LAMP3: variants seen among roughly 807,000 people sequenced by gnomAD.
LAMP3 encodes lysosome-associated membrane glycoprotein 3.
In LAMP3, 26 loss-of-function variants were observed where a neutral mutation model predicts 34.8. That is an observed-to-expected ratio of 0.75 (90% confidence interval 0.55 to 1.04). LAMP3 has a LOEUF of 1.04. Ranked by LOEUF, LAMP3 falls within the 50% of genes least tolerant of loss-of-function variation. The probability of loss-of-function intolerance (pLI) is 0.00; values close to 1 mark genes in which losing one functional copy is unlikely to be tolerated. For synonymous variants in LAMP3, 180 were observed against 201.9 expected, an observed-to-expected ratio of 0.89 and a Z score of 0.92; for missense variants, 495 against 524.0, an observed-to-expected ratio of 0.94 and a Z score of 0.54.
intron 4 of LAMP3, among the ~76,000 whole-genome samples, chr3:183,138,581 T>C (rs567206643): frequency 5.9e-5 from 9 of 152,364 alleles, no homozygotes; most frequent in African/African-American, 1.9e-4. Flanking sequence ...AGACATCTTG[T>C]GTGAGTGGGA....
chr3:183,133,076 G>A lies in LAMP3; in HGVS notation c.1117+2641C>T, dbSNP rs544737433. 1.9e-4 allele frequency: 57 copies of A among 304,526 alleles called. 1 individual carries two copies. Among genetic ancestry groups the A allele is most frequent in the East Asian group, 1.7e-4 (1 of 5,792 alleles). The allele number at this position is 304,526 out of a possible 1,614,324, so 18.9% of individuals were successfully genotyped here. On this transcript the variant is annotated intron_variant, in intron 5 of 5. Transcript: ENST00000265598. ...ACAGAGGGGAAGATGGAGCTGTTGG[G>A]GCTCAGACAACAGTGGGTGAAAACG... is the stretch of plus-strand genomic sequence containing the variant.
At position 183,151,424 on chromosome 3, in the gene LAMP3, C is replaced by CT. The variant is rs1303908629; in HGVS notation, c.888+950dup. On this transcript the variant is annotated intron_variant, in intron 3 of 5. Coordinates refer to ENST00000265598, the MANE Select transcript of LAMP3 (RefSeq NM_014398.4). ...CCACTTCCCGTGTATGGGGCATGCT[C>CT]TTTTTTTTTTTTTTTTTTTTGAGAT... 5.3e-4 allele frequency among the ~76,000 whole-genome samples: 69 copies of CT among 130,038 alleles called. 1 individual carries two copies. Among genetic ancestry groups the CT allele is most frequent in the South Asian group, 1.8e-3 (7 of 3,998 alleles). The allele number at this position is 130,038 out of a possible 152,430, so 85.3% of individuals were successfully genotyped here.
intron 3 of LAMP3, among the ~76,000 whole-genome samples, chr3:183,151,484 A>C (rs1050597402): frequency 1.1e-4 from 16 of 144,622 alleles, no homozygotes; most frequent in Admixed American, 2.1e-4. Context: ...CTGGAGTGCA[A>C]TGGCGCAATC....
chr3:183,130,410 G>A (rs1162655344), intron 5 of LAMP3, among the ~76,000 whole-genome samples: 4 of 151,532 alleles, frequency 2.6e-5, no homozygotes, highest in African/African-American at 4.9e-5. Context: ...CGCCCGCCTC[G>A]GCCTCCCAAA....
chr3:183,160,720 G>A (rs1238958038), intron 1 of LAMP3: 3 of 152,160 alleles, frequency 2.0e-5, no homozygotes, highest in Non-Finnish European at 4.4e-5. Flanking sequence ...AAGCACATAG[G>A]TTAGCTGCTA....
intron 3 of LAMP3, among the ~76,000 whole-genome samples, chr3:183,145,539 T>C (rs572624752): frequency 6.6e-6 from 1 of 152,302 alleles, no homozygotes; most frequent in Non-Finnish European, 1.5e-5. Flanking sequence ...GTTGTTGTCA[T>C]TGGTAGTATT....
In LAMP3 at chr3:183,153,779, G is replaced by T. The variant is rs772205737; in HGVS notation, c.662C>A (p.Ser221Ter). The T allele has an allele frequency of 6.3e-7, 1 of 1,575,568 alleles. No homozygotes were observed. The highest frequency in any genetic ancestry group is 1.8e-5 in the Admixed American group (1 of 55,710). Residue 221 changes from serine (S) to a stop codon, truncating the protein, a stop_gained, in exon 2 of 6, where the codon TCG becomes TAG. Coordinates refer to ENST00000265598, the MANE Select transcript of LAMP3 (RefSeq NM_014398.4). LOFTEE classifies it high-confidence loss of function. ...VPGPTLAPQP[S>*]SVKTGIYQVL... ...CTGATAAATTCCAGTCTTGACTGAC[G>T]ATGGCTGAGGTGCAAGGGTGGGCCC...
Position 183,152,426 on chromosome 3 carries a change from G to A in LAMP3, c.837C>T (p.Ser279=). Reference sequence around the variant, plus strand: ...CGCCCTGAAAATTCAACAGAAGGTTGGATTTTCGGGTGCCACAGTTCCCAG... The same window carrying A: ...CGCCCTGAAAATTCAACAGAAGGTTAGATTTTCGGGTGCCACAGTTCCCAG... ...QASGNCGTRK[S]NLLLNFQGGF... is the part of the protein sequence containing the mutation. Residue 279 remains serine (S), a synonymous_variant, in exon 3 of 6, where the codon TCC becomes TCT. Coordinates refer to ENST00000265598, the MANE Select transcript of LAMP3 (RefSeq NM_014398.4). 3 of 1,612,898 alleles carry A rather than the reference G, an allele frequency of 1.9e-6. No individual in the cohort carries two copies. The highest frequency in any genetic ancestry group is 2.5e-6 in the Non-Finnish European group (3 of 1,179,548).
intron 3 of LAMP3, among the ~76,000 whole-genome samples, chr3:183,141,228 A>G (rs1033251532): frequency 1.3e-5 from 2 of 152,198 alleles, no homozygotes; most frequent in Non-Finnish European, 2.9e-5. Flanking sequence ...ATGGGAAGAC[A>G]TGCCTTACCC....
chr3:183,162,859 G>C, upstream of LAMP3: 1 of 530,304 alleles, frequency 1.9e-6, no homozygotes, highest in East Asian at 3.5e-5. Flanking sequence ...GCGGGGACTC[G>C]GCGCAGCCGC....
intron 3 of LAMP3, among the ~76,000 whole-genome samples, chr3:183,142,228 G>A (rs945790299): frequency 9.2e-5 from 14 of 152,120 alleles, no homozygotes; most frequent in East Asian, 1.9e-4. Context: ...CAAGGCCCCC[G>A]CCCCATCCCT....
chr3:183,125,861 G>T (rs1275526958), intron 5 of LAMP3, among the ~76,000 whole-genome samples: 1 of 152,134 alleles, frequency 6.6e-6, no homozygotes, highest in African/African-American at 2.4e-5. Flanking sequence ...ATTTTTTACA[G>T]ATGGGGTCTT....
At chr3:183,158,585 A>C (rs183388950) in intron 1 of LAMP3, among the ~76,000 whole-genome samples, 11 of 150,446 alleles carry the variant, frequency 7.3e-5, no homozygotes, top group African/African-American at 2.7e-4. Context: ...GGAAATTTGC[A>C]TGAAGAGGCG....
At chr3:183,160,437 C>A (rs1720944082) in intron 1 of LAMP3, among the ~76,000 whole-genome samples, 1 of 152,178 alleles carries the variant, frequency 6.6e-6, no homozygotes, top group African/African-American at 2.4e-5. Context: ...ACTATGTTGT[C>A]CAGGCTGGTC....
chr3:183,137,038 T>C (rs992577070), intron 4 of LAMP3, among the ~76,000 whole-genome samples: 5 of 149,842 alleles, frequency 3.3e-5, no homozygotes, highest in Non-Finnish European at 7.4e-5. Context: ...AGGCCGGGCA[T>C]GGTGGTTGGT....
intron 5 of LAMP3, among the ~76,000 whole-genome samples, chr3:183,128,617 A>G (rs1444140670): frequency 6.6e-6 from 1 of 152,150 alleles, no homozygotes; most frequent in Non-Finnish European, 1.5e-5. Flanking sequence ...ATAATTGTTT[A>G]GTATGTTTTA....
rs10665288 is a variant in LAMP3 at position 183,150,565 on chromosome 3, C to CTTTTTTTTTTT, written c.888+1799_888+1809dup. On this transcript the variant is annotated intron_variant, in intron 3 of 5. Transcript: ENST00000265598. ...ATCTTCTGCTATTTTGCCAAAGTGA[C>CTTTTTTTTTTT]TTTTTTTTTTTTTTTTTTTTTTGGA... 2.3e-4 allele frequency among the ~76,000 whole-genome samples: 20 copies of CTTTTTTTTTTT among 86,098 alleles called. 1 individual carries two copies. The highest frequency in any genetic ancestry group is 1.0e-3 in the Admixed American group (7 of 6,740). 56.5% of individuals were successfully genotyped at this position (86,098 alleles called of 152,430 possible). A position where few individuals can be genotyped will look rare whatever the true frequency, so the allele number is the denominator to read the frequency against.
chr3:183,155,781 T>C (rs949638899), intron 1 of LAMP3, among the ~76,000 whole-genome samples: 3 of 152,264 alleles, frequency 2.0e-5, no homozygotes, highest in Non-Finnish European at 4.4e-5. Context: ...CGTCAGTGCC[T>C]GCACATAGAC....
chr3:183,139,251 G>A (rs901694660), intron 4 of LAMP3, among the ~76,000 whole-genome samples: 2 of 152,028 alleles, frequency 1.3e-5, no homozygotes, highest in African/African-American at 2.4e-5. Flanking sequence ...TTAGCCAGGC[G>A]TGGTGACAGG....
Sources: allele counts gnomAD v4.1 joint callset (sites outside exome capture counted in the v4.1 genomes callset), GRCh38; gene constraint gnomAD v4.1.1; transcripts MANE v1.5; gene names NCBI Gene and HGNC (gene_info 2026-07-23, HGNC 2026-07-21).